Variants in RALY observed in about 807,000 individuals in gnomAD.
The protein encoded by RALY is RALY heterogeneous nuclear ribonucleoprotein.
RALY carries 15 observed loss-of-function variants against 30.7 expected under a neutral mutation model. The observed-to-expected ratio is 0.49, with a 90% confidence interval of 0.33 to 0.75. RALY has a LOEUF of 0.75. Among genes scored for constraint, RALY ranks in the 30% least tolerant of loss-of-function variants. The probability of loss-of-function intolerance (pLI) is 0.02; values close to 1 mark genes in which losing one functional copy is unlikely to be tolerated. For missense variants in RALY, 339 were observed against 414.3 expected, an observed-to-expected ratio of 0.82 and a Z score of 1.58; for synonymous variants, 177 against 170.8, an observed-to-expected ratio of 1.04 and a Z score of -0.28.
At chr20:34,014,216 C>T (rs2031521942) in intron 1 of RALY, among the ~76,000 whole-genome samples, 1 of 152,082 alleles carries the variant, frequency 6.6e-6, no homozygotes, top group African/African-American at 2.4e-5. Flanking sequence ...ATACCCCCAG[C>T]CTTTTGAGAA....
intron 1 of RALY, among the ~76,000 whole-genome samples, chr20:34,020,657 A>G (rs1037804411): frequency 3.3e-5 from 5 of 152,188 alleles, no homozygotes; most frequent in Non-Finnish European, 7.3e-5. Context: ...ACACAGCCAC[A>G]CTCATTTGTT....
chr20:34,015,418 C>A (rs951047510), intron 1 of RALY, among the ~76,000 whole-genome samples: 2 of 152,014 alleles, frequency 1.3e-5, no homozygotes, highest in East Asian at 1.9e-4. Context: ...TCTCTACCTA[C>A]TTCTTTTTTG....
intron 6 of RALY, among the ~76,000 whole-genome samples, chr20:34,076,394 C>T (rs1049172091): frequency 1.3e-5 from 2 of 152,202 alleles, no homozygotes; most frequent in Non-Finnish European, 2.9e-5. Context: ...TTCCAAAAGA[C>T]ACATGTTCTT....
At chr20:34,008,465 A>G (rs935263861) in intron 1 of RALY, among the ~76,000 whole-genome samples, 1 of 152,222 alleles carries the variant, frequency 6.6e-6, no homozygotes, top group African/African-American at 2.4e-5. Context: ...AGGGAGCAGA[A>G]TTTTAAAGGT....
At chr20:34,066,164 ATCC>A (rs2033563304) in intron 2 of RALY, among the ~76,000 whole-genome samples, 1 of 139,926 alleles carries the variant, frequency 7.1e-6, no homozygotes, top group South Asian at 2.2e-4. Flanking sequence ...ATCTTTGCTG[ATCC>A]TCTTTTTTTT....
intron 1 of RALY, among the ~76,000 whole-genome samples, chr20:34,021,259 G>A (rs911154285): frequency 2.0e-5 from 3 of 152,134 alleles, no homozygotes; most frequent in Non-Finnish European, 2.9e-5. Flanking sequence ...CACTGTGCCA[G>A]GCTGAAAGTC....
chr20:34,030,859 C>T (rs2032240178), intron 1 of RALY, among the ~76,000 whole-genome samples: 2 of 152,186 alleles, frequency 1.3e-5, no homozygotes, highest in African/African-American at 4.8e-5. Flanking sequence ...ACACTCTTCC[C>T]TCAGATCTTT....
chr20:34,076,841 C>A, intron 7 of RALY, 26 bp downstream of exon 7: 1 of 1,609,956 alleles, frequency 6.2e-7, no homozygotes, highest in Non-Finnish European at 8.5e-7. Context: ...TTCTCACCCA[C>A]CTCCATGACC....
intron 8 of RALY, 136 bp downstream of exon 8, chr20:34,077,381 C>G (rs368596614): frequency 6.5e-7 from 1 of 1,527,734 alleles, no homozygotes; most frequent in Non-Finnish European, 8.8e-7. Context: ...GGTTCTGGTC[C>G]TGGGGGAAAG....
chr20:34,015,915 C>T (rs2031590270), intron 1 of RALY, among the ~76,000 whole-genome samples: 1 of 152,138 alleles, frequency 6.6e-6, no homozygotes. Flanking sequence ...ATCTCCCTTA[C>T]ACTTTCAAGC....
intron 2 of RALY, 89 bp downstream of exon 2, chr20:34,031,693 G>A (rs1421979547): frequency 6.6e-6 from 1 of 152,188 alleles, no homozygotes; most frequent in Non-Finnish European, 1.5e-5. Context: ...CTTTAGTACA[G>A]ATAACTTACA....
At position 34,077,206 on chromosome 20, in the gene RALY, C is replaced by T. The variant is rs749530496; in HGVS notation, c.837C>T (p.Gly279=). ...PQGEARTRDD[G]DEEGLLTHSE... ...GGGAAGCACGGACCCGAGACGACGGCGATGAGGAAGGGCTCCTGACACACA... is the reference window on the plus strand; with the variant it reads ...GGGAAGCACGGACCCGAGACGACGGTGATGAGGAAGGGCTCCTGACACACA... Residue 279 remains glycine (G), a synonymous_variant, in exon 8 of 10, where the codon GGC becomes GGT. Coordinates refer to ENST00000246194, the MANE Select transcript of RALY (RefSeq NM_016732.3). 56 of 1,613,632 alleles carry T rather than the reference C, an allele frequency of 3.5e-5. No homozygotes were observed. The highest frequency in any genetic ancestry group is 1.4e-4 in the South Asian group (13 of 91,058).
intron 5 of RALY, among the ~76,000 whole-genome samples, chr20:34,075,123 G>A (rs1048708715): frequency 4.6e-5 from 7 of 152,082 alleles, no homozygotes; most frequent in African/African-American, 1.7e-4. Context: ...CACAGCCTGG[G>A]AGCCCTGGGG....
At chr20:34,049,642 GT>G (rs1420152370) in intron 2 of RALY, among the ~76,000 whole-genome samples, 1 of 152,120 alleles carries the variant, frequency 6.6e-6, no homozygotes, top group East Asian at 1.9e-4. Flanking sequence ...AATGATTGGC[GT>G]TTGTTTGGCA....
intron 1 of RALY, among the ~76,000 whole-genome samples, chr20:34,005,824 A>T (rs1470206912): frequency 2.6e-5 from 4 of 152,202 alleles, no homozygotes; most frequent in African/African-American, 9.7e-5. Context: ...TCTTTGCAGA[A>T]CGTCATACAG....
chr20:34,073,873 AG>A lies in RALY; in HGVS notation c.377+11del. ...GGGACGACTTCTACGACAGGTGAGC[AG>A]GGGAGGGGCGTGCCCAGGCATGAAA... is the stretch of plus-strand genomic sequence containing the variant. On this transcript the variant is annotated splice_region_variant and intron_variant, in intron 5 of 9. Coordinates refer to ENST00000246194, the MANE Select transcript of RALY (RefSeq NM_016732.3). 2 of 1,613,808 alleles carry A rather than the reference AG, an allele frequency of 1.2e-6. No homozygotes were observed. Among genetic ancestry groups the A allele is most frequent in the South Asian group, 2.2e-5 (2 of 91,076 alleles).
intron 1 of RALY, among the ~76,000 whole-genome samples, chr20:34,022,739 C>T (rs1296573771): frequency 6.6e-6 from 1 of 152,172 alleles, no homozygotes; most frequent in Non-Finnish European, 1.5e-5. Context: ...TCATTTCTGC[C>T]TTCAGCTTCC....
At chr20:34,055,298 GATCATTTATATT>G (rs2033207594) in intron 2 of RALY, among the ~76,000 whole-genome samples, 3 of 152,200 alleles carry the variant, frequency 2.0e-5, no homozygotes, top group Admixed American at 2.0e-4. Context: ...TTAATATAAT[GATCATTTATATT>G]ACATTCTTTC....
intron 2 of RALY, among the ~76,000 whole-genome samples, chr20:34,048,449 A>G (rs894043712): frequency 6.6e-6 from 1 of 152,236 alleles, no homozygotes; most frequent in African/African-American, 2.4e-5. Flanking sequence ...CATACTGTGT[A>G]ACTCATTTAT....
Sources: gnomAD v4.1 joint callset for allele counts (sites outside exome capture counted in the v4.1 genomes callset) on GRCh38, gnomAD v4.1.1 for gene constraint, MANE v1.5 for transcripts, NCBI Gene and HGNC (gene_info 2026-07-23, HGNC 2026-07-21) for gene names.